ST8SIA6: variants seen among roughly 807,000 people sequenced by gnomAD.
The protein encoded by ST8SIA6 is ST8 alpha-N-acetyl-neuraminide alpha-2,8-sialyltransferase 6.
ST8SIA6 carries 39 observed loss-of-function variants against 33.6 expected under a neutral mutation model. That is an observed-to-expected ratio of 1.16 (90% CI 0.90 to 1.52). The LOEUF (loss-of-function observed/expected upper bound fraction) is 1.52. Ranked by LOEUF, ST8SIA6 falls within the 40% of genes most tolerant of loss-of-function variation. The pLI is 0.00. For missense variants in ST8SIA6, 441 were observed against 443.8 expected, an observed-to-expected ratio of 0.99 and a Z score of 0.06; for synonymous variants, 172 against 167.2, an observed-to-expected ratio of 1.03 and a Z score of -0.22.
At chr10:17,351,429 G>A (rs1381384585) in intron 4 of ST8SIA6, among the ~76,000 whole-genome samples, 1 of 148,860 alleles carries the variant, frequency 6.7e-6, no homozygotes, top group Non-Finnish European at 1.5e-5. Context: ...TTTTAGTACT[G>A]TAACCAGGAC....
rs112920657 is a variant in ST8SIA6, at chr10:17,420,172, C to T, written c.201-29552G>A. Among the ~76,000 whole-genome samples, 6 of 152,258 alleles carry T rather than the reference C, an allele frequency of 3.9e-5. No individual in the cohort carries two copies. In the East Asian group the frequency reaches 9.7e-4, roughly 25 times the overall value. ...CTTATGCCTGTAATCCCAGCACTTT[C>T]GGAGGCCGAGACGGGCGGATCACGA... On this transcript the variant is annotated intron_variant, in intron 2 of 7. Transcript: ENST00000377602.
intron 3 of ST8SIA6, among the ~76,000 whole-genome samples, chr10:17,377,570 T>A (rs1213030167): frequency 6.6e-6 from 1 of 152,234 alleles, no homozygotes; most frequent in Non-Finnish European, 1.5e-5. Context: ...GCTCAAAATC[T>A]GAAACACAGA....
At chr10:17,389,243 G>C (rs955309460) in intron 3 of ST8SIA6, among the ~76,000 whole-genome samples, 2 of 152,050 alleles carry the variant, frequency 1.3e-5, no homozygotes, top group Admixed American at 6.6e-5. Flanking sequence ...ATAAAACTCC[G>C]GTCTCCCACA....
chr10:17,391,340 C>T (rs1187990164), intron 2 of ST8SIA6, among the ~76,000 whole-genome samples: 5 of 152,062 alleles, frequency 3.3e-5, no homozygotes, highest in African/African-American at 1.2e-4. Context: ...CGACTCACTG[C>T]AAGCTCCGCC....
intron 6 of ST8SIA6, among the ~76,000 whole-genome samples, chr10:17,326,727 C>T (rs1196093761): frequency 6.6e-6 from 1 of 152,218 alleles, no homozygotes; most frequent in African/African-American, 2.4e-5. Flanking sequence ...TAGCCATTAA[C>T]GTACTGAACG....
chr10:17,338,605 G>A (rs1361039226), intron 4 of ST8SIA6, among the ~76,000 whole-genome samples: 1 of 152,118 alleles, frequency 6.6e-6, no homozygotes, highest in Non-Finnish European at 1.5e-5. Flanking sequence ...CAATTCAAAG[G>A]CTATCATACA....
chr10:17,342,722 G>T (rs1031807044), intron 4 of ST8SIA6, among the ~76,000 whole-genome samples: 9 of 152,144 alleles, frequency 5.9e-5, no homozygotes, highest in African/African-American at 2.2e-4. Flanking sequence ...AGGCCAAGGC[G>T]GATGGATCAC....
At chr10:17,379,137 CA>C (rs1335757401) in intron 3 of ST8SIA6, among the ~76,000 whole-genome samples, 18 of 105,784 alleles carry the variant, frequency 1.7e-4, no homozygotes, top group East Asian at 1.4e-3. Flanking sequence ...AAAAAAAAAA[CA>C]AAAACAAAAA....
intron 2 of ST8SIA6, among the ~76,000 whole-genome samples, chr10:17,426,299 G>A (rs1250642996): frequency 6.6e-6 from 1 of 152,172 alleles, no homozygotes; most frequent in African/African-American, 2.4e-5. Flanking sequence ...ATCCTGGGGT[G>A]AGAATCTCCC....
At chr10:17,364,748 A>G (rs1849503909) in intron 3 of ST8SIA6, among the ~76,000 whole-genome samples, 1 of 152,194 alleles carries the variant, frequency 6.6e-6, no homozygotes, top group South Asian at 2.1e-4. Context: ...CAAGTTGGGG[A>G]TAGGTGTATC....
In ST8SIA6 at chr10:17,359,534, T is replaced by C; in HGVS notation, c.357A>G (p.Ala119=). The C allele has an allele frequency of 6.2e-7, 1 of 1,606,564 alleles. No homozygotes were observed. Among genetic ancestry groups the C allele is most frequent in the Non-Finnish European group, 8.5e-7 (1 of 1,177,016 alleles). The change falls in exon 4 of 8, where the codon GCA becomes GCG. Residue 119 remains alanine, a synonymous_variant. Transcript: ENST00000377602. The part of the protein sequence containing the change: ...DIQSCPWKRQ[A]EEYANFRAKL... ...ATTACCTAAAATTTGCATATTCTTCTGCTTGCCGTTTCCATGGACAACTCT... is the reference window on the plus strand; with the variant it reads ...ATTACCTAAAATTTGCATATTCTTCCGCTTGCCGTTTCCATGGACAACTCT...
At chr10:17,327,163 G>A (rs749593402) in intron 5 of ST8SIA6, 37 bp from the exon 6 acceptor site, 24 of 1,480,944 alleles carry the variant, frequency 1.6e-5, no homozygotes, top group African/African-American at 4.2e-5. Context: ...ATGAAATACC[G>A]TTAATTTTAG....
intron 3 of ST8SIA6, among the ~76,000 whole-genome samples, chr10:17,372,671 A>G (rs1588853101): frequency 6.6e-6 from 1 of 152,260 alleles, no homozygotes. Flanking sequence ...CATTATGACA[A>G]AAATATAATA....
intron 2 of ST8SIA6, among the ~76,000 whole-genome samples, chr10:17,431,731 G>A (rs1237814123): frequency 4.8e-5 from 6 of 126,288 alleles, no homozygotes; most frequent in Non-Finnish European, 3.1e-5. Flanking sequence ...CATGGTCTTC[G>A]TTTGGAAAAA....
At chr10:17,435,562 G>A (rs61844066) in intron 2 of ST8SIA6, among the ~76,000 whole-genome samples, 5,905 of 152,206 alleles carry the variant, frequency 0.039, 166 homozygotes, top group South Asian at 0.055. Context: ...TGGCACTTAG[G>A]AACAGTTGAA....
chr10:17,404,281 C>A (rs1851166385), intron 2 of ST8SIA6, among the ~76,000 whole-genome samples: 1 of 152,052 alleles, frequency 6.6e-6, no homozygotes, highest in Non-Finnish European at 1.5e-5. Context: ...AAGTCGCTGT[C>A]CGAGTTGGAA....
intron 4 of ST8SIA6, among the ~76,000 whole-genome samples, chr10:17,354,068 C>A (rs975138833): frequency 1.3e-5 from 2 of 152,108 alleles, no homozygotes; most frequent in Non-Finnish European, 2.9e-5. Context: ...GCAGTAATTA[C>A]CATGCAAGTT....
rs1853024349 is a variant in ST8SIA6 at position 17,454,028 on chromosome 10, C to A, written c.101+127G>T. ...CACTCCACTCTCAGGCCGTCGCCGC[C>A]CGTGGGCTGCTCCCCGCCGCGGCCA... is the stretch of plus-strand genomic sequence containing the variant. On this transcript the variant is annotated intron_variant, in intron 1 of 7. Transcript: ENST00000377602. This position sits in a 1 kb window ranked among gnomAD's most constrained non-coding sequence, Gnocchi z 4.1. 1 of 254,412 alleles carries A rather than the reference C, an allele frequency of 3.9e-6. No individual in the cohort carries two copies. The highest frequency in any genetic ancestry group is 7.4e-6 in the Non-Finnish European group (1 of 135,744). The allele number at this position is 254,412 out of a possible 1,614,324, so 15.8% of individuals were successfully genotyped here. A position where few individuals can be genotyped will look rare whatever the true frequency, so the allele number is the denominator to read the frequency against.
chr10:17,443,470 C>T (rs541643351), intron 2 of ST8SIA6, among the ~76,000 whole-genome samples: 12 of 152,214 alleles, frequency 7.9e-5, no homozygotes, highest in African/African-American at 1.9e-4. Flanking sequence ...TAGAGAATTT[C>T]GGTGTATTTT....
Sources: gnomAD v4.1 joint callset for allele counts (sites outside exome capture counted in the v4.1 genomes callset) on GRCh38, gnomAD v4.1.1 for gene constraint, Gnocchi (gnomAD v3.1) non-coding constraint, MANE v1.5 for transcripts, NCBI Gene and HGNC (gene_info 2026-07-23, HGNC 2026-07-21) for gene names.